PBRM1: variants seen among roughly 807,000 people sequenced by gnomAD.
PBRM1 encodes the protein polybromo 1.
PBRM1 carries 27 observed loss-of-function variants against 194.5 expected under a neutral mutation model. That is an observed-to-expected ratio of 0.14 (90% CI 0.10 to 0.19). PBRM1 has a LOEUF of 0.19. PBRM1 is among the 10% of genes least tolerant of loss of function. PBRM1 has a pLI of 1.00. For missense variants in PBRM1, 1,466 were observed against 2,077.2 expected, an observed-to-expected ratio of 0.71 and a Z score of 5.72; for synonymous variants, 655 against 693.2, an observed-to-expected ratio of 0.94 and a Z score of 0.87.
At chr3:52,613,432 CT>C (rs2094763811) in intron 15 of PBRM1, among the ~76,000 whole-genome samples, 1 of 151,008 alleles carries the variant, frequency 6.6e-6, no homozygotes, top group African/African-American at 2.4e-5. Flanking sequence ...ACCTCGTGGG[CT>C]CAAGCAATCC....
intron 17 of PBRM1, among the ~76,000 whole-genome samples, chr3:52,590,752 C>T (rs1223829098): frequency 2.0e-5 from 3 of 152,112 alleles, no homozygotes; most frequent in East Asian, 1.9e-4. Flanking sequence ...CGTGAGCCAC[C>T]GTGCCTGGCT....
chr3:52,576,489 C>T (rs2153657308), intron 22 of PBRM1, 52 bp downstream of exon 24: 3 of 1,404,998 alleles, frequency 2.1e-6, no homozygotes, highest in Non-Finnish European at 2.9e-6. Context: ...AGTAGTATTC[C>T]ATCAATTTTG....
At chr3:52,584,772 T>C (rs2092096089) in intron 20 of PBRM1, among the ~76,000 whole-genome samples, 1 of 152,184 alleles carries the variant, frequency 6.6e-6, no homozygotes, top group Non-Finnish European at 1.5e-5. Flanking sequence ...TTCTTTATTG[T>C]CAATATTTTT....
At chr3:52,552,005 A>C (rs911766575) in intron 27 of PBRM1, 2 of 152,210 alleles carry the variant, frequency 1.3e-5, no homozygotes, top group Non-Finnish European at 2.9e-5. Flanking sequence ...TATTTGTTAG[A>C]AAATAACAAG....
At position 52,644,761 on chromosome 3, in the gene PBRM1, TA is replaced by T; in HGVS notation, c.841del (p.Tyr281IlefsTer2). 1.3e-6 allele frequency: 2 copies of T among 1,532,524 alleles called. No homozygotes were observed. Among genetic ancestry groups the T allele is most frequent in the East Asian group, 2.3e-5 (1 of 44,198 alleles). 94.9% of individuals were successfully genotyped at this position (1,532,524 alleles called of 1,614,324 possible). The stretch of plus-strand genomic sequence containing the variant: ...ATGTTCAATTTCAGCCTTTTTCATA[TA>T]AAATATTTTTTTAATTGAATTTGCA... On this transcript the variant is annotated frameshift_variant, in exon 8 of 30. Transcript: ENST00000296302. LOFTEE classifies it high-confidence loss of function.
At chr3:52,674,830 C>T (rs755233876) in intron 2 of PBRM1, among the ~76,000 whole-genome samples, 31 of 150,898 alleles carry the variant, frequency 2.1e-4, no homozygotes, top group Non-Finnish European at 4.0e-4. Flanking sequence ...TACATACACA[C>T]GTATATATAA....
At chr3:52,552,006 A>G (rs1335916099) in intron 27 of PBRM1, 1 of 152,196 alleles carries the variant, frequency 6.6e-6, no homozygotes, top group Admixed American at 6.5e-5. Flanking sequence ...ATTTGTTAGA[A>G]AATAACAAGT....
chr3:52,570,894 G>GT (rs79113447), intron 22 of PBRM1, among the ~76,000 whole-genome samples: 1,829 of 137,494 alleles, frequency 0.013, 26 homozygotes, highest in African/African-American at 0.035. Flanking sequence ...TTGTTTCTTC[G>GT]TTTTTTTTTT....
intron 6 of PBRM1, among the ~76,000 whole-genome samples, chr3:52,649,527 G>T (rs2096430116): frequency 6.6e-6 from 1 of 152,212 alleles, no homozygotes; most frequent in East Asian, 1.9e-4. Flanking sequence ...GTGCCATGAT[G>T]TTCCTGAGTT....
intron 17 of PBRM1, among the ~76,000 whole-genome samples, chr3:52,594,353 T>C (rs1418207878): frequency 3.9e-5 from 6 of 152,230 alleles, no homozygotes; most frequent in Admixed American, 3.9e-4. Context: ...TTTTTGGTCT[T>C]TGTTGGTTTA....
chr3:52,626,361 C>T (rs1320347113), intron 13 of PBRM1, among the ~76,000 whole-genome samples: 1 of 152,206 alleles, frequency 6.6e-6, no homozygotes, highest in Non-Finnish European at 1.5e-5. Context: ...GAAAGCAGGA[C>T]AGCTCCTCTT....
intron 6 of PBRM1, among the ~76,000 whole-genome samples, chr3:52,651,183 G>A: frequency 6.6e-6 from 1 of 152,192 alleles, no homozygotes. Flanking sequence ...TAGGTACATA[G>A]CAAGTCTATG....
chr3:52,614,120 C>T (rs2094808727), intron 15 of PBRM1, among the ~76,000 whole-genome samples: 1 of 152,118 alleles, frequency 6.6e-6, no homozygotes, highest in Non-Finnish European at 1.5e-5. Context: ...CACCCGTAAT[C>T]CCAGCACTTT....
intron 16 of PBRM1, among the ~76,000 whole-genome samples, chr3:52,604,916 T>C (rs944665655): frequency 1.3e-5 from 2 of 151,416 alleles, no homozygotes; most frequent in Non-Finnish European, 2.9e-5. Context: ...ATCGCGCCGC[T>C]GCACTCTAGT....
rs1487778618 is a variant in PBRM1, at chr3:52,553,648, C to T, written c.4609+1076G>A. Among the ~76,000 whole-genome samples the T allele has an allele frequency of 5.4e-5, 8 of 149,322 alleles. No individual in the cohort carries two copies. The East Asian group carries it at 1.2e-3, about 22-fold the overall frequency. On this transcript the variant is annotated intron_variant, in intron 27 of 29. Coordinates refer to ENST00000296302, the Ensembl canonical transcript of PBRM1. The stretch of plus-strand genomic sequence containing the variant: ...GGGACTACAGGCACATGCCACCACA[C>T]CTGGCTAATTTTTCCTTTTTTTTTT...
chr3:52,580,504 A>G (rs770691476), intron 20 of PBRM1, among the ~76,000 whole-genome samples: 4 of 151,238 alleles, frequency 2.6e-5, no homozygotes, highest in Admixed American at 1.3e-4. Context: ...GACTACAGGC[A>G]CCCGCTACCA....
At chr3:52,574,513 A>G (rs79658570) in intron 22 of PBRM1, among the ~76,000 whole-genome samples, 1,913 of 152,310 alleles carry the variant, frequency 0.013, 14 homozygotes, top group South Asian at 0.029. Flanking sequence ...AGTAGATATG[A>G]CAAAAGGCCT....
rs374082303 is a variant in PBRM1 at position 52,679,548 on chromosome 3, G to A, written c.138+26C>T. The A allele has an allele frequency of 8.8e-4, 1,413 of 1,605,274 alleles. 1 individual carries two copies. The highest frequency in any genetic ancestry group is 1.1e-3 in the Non-Finnish European group (1,300 of 1,174,984). On this transcript the variant is annotated intron_variant, in intron 1 of 29. Coordinates refer to ENST00000296302, the Ensembl canonical transcript of PBRM1. ...AGGGGAATTGTGGGAAGAGCAGGCA[G>A]AAACCATGTAATCCAAGTTACTCAC...
At chr3:52,634,460 A>AATGAACAG in intron 11 of PBRM1, 142 bp downstream of exon 12, 1 of 581,732 alleles carries the variant, frequency 1.7e-6, no homozygotes. Flanking sequence ...AAAAAAAGGT[A>AATGAACAG]ATGAACAGTT....
Sources: allele counts gnomAD v4.1 joint callset (sites outside exome capture counted in the v4.1 genomes callset), GRCh38; gene constraint gnomAD v4.1.1; transcripts MANE v1.5; gene names NCBI Gene and HGNC (gene_info 2026-07-23, HGNC 2026-07-21).